CDH1: variants seen among roughly 807,000 people sequenced by gnomAD.
CDH1 encodes cadherin-1.
Under a neutral mutation model 84.5 loss-of-function variants are expected in CDH1, and 35 were observed. The observed-to-expected ratio is 0.41, with a 90% CI of 0.32 to 0.55. The LOEUF (loss-of-function observed/expected upper bound fraction) is 0.55. Among genes scored for constraint, CDH1 ranks in the 20% least tolerant of loss-of-function variants. The probability of loss-of-function intolerance (pLI) is 0.19; values close to 1 mark genes in which losing one functional copy is unlikely to be tolerated. For synonymous variants in CDH1, 417 were observed against 439.0 expected (o/e 0.95, Z 0.63); for missense variants, 994 against 1,126.6 (o/e 0.88, Z 1.68).
At position 68,790,321 on chromosome 16, in the gene CDH1, C is replaced by T. The variant is rs529984806; in HGVS notation, c.164-11349C>T. 7.2e-5 allele frequency among the ~76,000 whole-genome samples: 11 copies of T among 152,084 alleles called. No homozygotes were observed. In the East Asian group the frequency reaches 2.1e-3, roughly 29 times the overall value. On this transcript the variant is annotated intron_variant, in intron 2 of 15. Coordinates refer to ENST00000261769, the MANE Select transcript of CDH1 (RefSeq NM_004360.5). ...TCAGTACATGGGGTCTCCCTAACCT[C>T]GGGGAATCCAACAGAAAGAAAAAGG...
intron 2 of CDH1, among the ~76,000 whole-genome samples, chr16:68,742,837 A>G (rs1025298840): frequency 2.6e-5 from 4 of 152,296 alleles, no homozygotes; most frequent in Admixed American, 1.3e-4. Context: ...ATCACCTTAC[A>G]TCATCAGATC....
intron 2 of CDH1, among the ~76,000 whole-genome samples, chr16:68,798,221 A>T (rs953998864): frequency 1.3e-5 from 2 of 152,002 alleles, no homozygotes; most frequent in Non-Finnish European, 2.9e-5. Flanking sequence ...GAACACTTAG[A>T]CCCTTGTTAG....
rs2152129648 is a variant in CDH1 at position 68,808,457 on chromosome 16, A to T, written c.421A>T (p.Thr141Ser). ...SVSGIQAELL[T>S]FPNSSPGLRR... is the part of the protein sequence containing the mutation. ...TTCTGGAATCCAAGCAGAATTGCTC[A>T]CATTTCCCAACTCCTCTCCTGGCCT... Residue 141 changes from threonine to serine, a missense_variant, in exon 4 of 16, where the codon ACA becomes TCA. Physicochemically the swap from Thr to Ser is moderately conservative, Grantham distance 58 (BLOSUM62 1). Coordinates refer to ENST00000261769, the MANE Select transcript of CDH1 (RefSeq NM_004360.5). 1 of 1,614,148 alleles carries T rather than the reference A, an allele frequency of 6.2e-7. No homozygotes were observed. The highest frequency in any genetic ancestry group is 8.5e-7 in the Non-Finnish European group (1 of 1,180,010).
At chr16:68,762,881 C>G (rs1306420082) in intron 2 of CDH1, among the ~76,000 whole-genome samples, 1 of 137,374 alleles carries the variant, frequency 7.3e-6, no homozygotes, top group Admixed American at 7.8e-5. Context: ...CCACTGCACT[C>G]CAGCCTCGGC....
At chr16:68,799,558 C>A (rs764521966) in intron 2 of CDH1, among the ~76,000 whole-genome samples, 3 of 151,942 alleles carry the variant, frequency 2.0e-5, no homozygotes, top group Non-Finnish European at 4.4e-5. Context: ...TATAATCAGC[C>A]CAGGGGATCA....
At chr16:68,788,070 G>A (rs1004687599) in intron 2 of CDH1, among the ~76,000 whole-genome samples, 7 of 151,322 alleles carry the variant, frequency 4.6e-5, no homozygotes, top group African/African-American at 7.3e-5. Context: ...CAAGTGATTC[G>A]CCCTCCTTGG....
chr16:68,813,953 G>A (rs1597896558), intron 9 of CDH1, among the ~76,000 whole-genome samples: 1 of 147,090 alleles, frequency 6.8e-6, no homozygotes, highest in East Asian at 2.1e-4. Context: ...CGGGGAAAAG[G>A]AGGCCGGGCG....
intron 5 of CDH1, among the ~76,000 whole-genome samples, chr16:68,809,501 C>T (rs1332029411): frequency 2.0e-5 from 3 of 151,428 alleles, no homozygotes; most frequent in Non-Finnish European, 4.4e-5. Context: ...TGCACCCGGC[C>T]TACAAGAGGT....
chr16:68,811,124 G>A (rs2152131579), intron 6 of CDH1, among the ~76,000 whole-genome samples: 1 of 151,668 alleles, frequency 6.6e-6, no homozygotes, highest in East Asian at 1.9e-4. Flanking sequence ...TAGGCTGGGT[G>A]TGGTGGTTCA....
At chr16:68,782,452 A>C (rs1423945551) in intron 2 of CDH1, among the ~76,000 whole-genome samples, 1 of 152,170 alleles carries the variant, frequency 6.6e-6, no homozygotes, top group Admixed American at 6.5e-5. Context: ...GGTGGGGGCC[A>C]CTCTGTAGTT....
At chr16:68,770,825 G>A (rs1408224096) in intron 2 of CDH1, 1 of 152,070 alleles carries the variant, frequency 6.6e-6, no homozygotes, top group Non-Finnish European at 1.5e-5. Flanking sequence ...TGGGTAGATG[G>A]GCTCACAGGC....
chr16:68,754,947 A>T (rs138554925), intron 2 of CDH1, among the ~76,000 whole-genome samples: 1 of 152,206 alleles, frequency 6.6e-6, no homozygotes, highest in East Asian at 1.9e-4. Context: ...ACTAAGAAGG[A>T]TGGCATTTGT....
At chr16:68,803,932 C>A (rs1373394593) in intron 3 of CDH1, among the ~76,000 whole-genome samples, 1 of 152,000 alleles carries the variant, frequency 6.6e-6, no homozygotes, top group East Asian at 1.9e-4. Context: ...CCTTTTTGCT[C>A]CGCCATCCTC....
rs561974945 is a variant in CDH1 at position 68,758,169 on chromosome 16, C to G, written c.163+19758C>G. Reference sequence around the variant, plus strand: ...TTGTGTCCCTCCCCTCTATCCCAACCCCACCCCATTTTGCCTAGGGTAGGC... The same window carrying G: ...TTGTGTCCCTCCCCTCTATCCCAACGCCACCCCATTTTGCCTAGGGTAGGC... On this transcript the variant is annotated intron_variant, in intron 2 of 15. Coordinates refer to ENST00000261769, the MANE Select transcript of CDH1 (RefSeq NM_004360.5). Among the ~76,000 whole-genome samples the G allele has an allele frequency of 1.9e-4, 28 of 149,456 alleles. 1 individual carries two copies. Among genetic ancestry groups the G allele is most frequent in the African/African-American group, 6.6e-4 (27 of 40,852 alleles).
intron 3 of CDH1, among the ~76,000 whole-genome samples, chr16:68,806,047 A>G (rs1054020393): frequency 6.6e-6 from 1 of 152,142 alleles, no homozygotes; most frequent in African/African-American, 2.4e-5. Context: ...TCCCAGATTC[A>G]AGCTATTTTC....
chr16:68,813,748 G>A (rs543062403), intron 9 of CDH1, among the ~76,000 whole-genome samples: 1 of 152,164 alleles, frequency 6.6e-6, no homozygotes, highest in East Asian at 1.9e-4. Context: ...AGATCACGAG[G>A]TCAGGAGTTT....
chr16:68,829,974 T>TTTA (rs1961443129), intron 15 of CDH1, among the ~76,000 whole-genome samples, 177 bp downstream of exon 15: 1 of 147,788 alleles, frequency 6.8e-6, no homozygotes, highest in African/African-American at 2.6e-5. Context: ...TTTTTTTTTT[T>TTTA]GAGACGAAGT....
In CDH1 at chr16:68,823,488, G is replaced by T. The variant is rs115408226; in HGVS notation, c.2026G>T (p.Asp676Tyr). ...CAAGCTCATGGATAACCAGAATAAA[G>T]ACCAAGTGACCACCTTAGAGGTCAG... is the stretch of plus-strand genomic sequence containing the variant. ...NLKLMDNQNK[D>Y]QVTTLEVSVC... Residue 676 changes from aspartate (D) to tyrosine (Y), a missense_variant, in exon 13 of 16, where the codon GAC becomes TAC. Around this residue, in one of 3 missense-constraint regions of CDH1, gnomAD observed 769 missense variants for 881.8 expected, o/e 0.87. Transcript: ENST00000261769. The T allele has an allele frequency of 1.9e-6, 3 of 1,614,044 alleles. No individual in the cohort carries two copies. Among genetic ancestry groups the T allele is most frequent in the African/African-American group, 2.7e-5 (2 of 75,020 alleles).
intron 2 of CDH1, among the ~76,000 whole-genome samples, chr16:68,757,049 G>A (rs758618859): frequency 1.3e-5 from 2 of 152,070 alleles, no homozygotes; most frequent in Non-Finnish European, 2.9e-5. Context: ...ACTCCTTGAG[G>A]TTTTTGGATG....
Sources: gnomAD v4.1 joint callset for allele counts (sites outside exome capture counted in the v4.1 genomes callset) on GRCh38, gnomAD v4.1.1 for gene constraint, gnomAD v4.1.1 regional missense constraint, MANE v1.5 for transcripts, NCBI Gene and HGNC (gene_info 2026-07-23, HGNC 2026-07-21) for gene names.